LMBR1: variants seen among roughly 807,000 people sequenced by gnomAD.
LMBR1 encodes the protein limb development membrane protein 1, also known as limb region 1 protein homolog.
In LMBR1, 52 loss-of-function variants were observed where a neutral mutation model predicts 73.9. The observed-to-expected ratio is 0.70, with a 90% CI of 0.56 to 0.89. The LOEUF is 0.89. Among genes scored for constraint, LMBR1 ranks in the 40% least tolerant of loss-of-function variants. LMBR1 has a pLI of 0.00. For synonymous variants in LMBR1, 215 were observed against 209.4 expected (o/e 1.03, Z -0.23); for missense variants, 539 against 579.8 (o/e 0.93, Z 0.72).
intron 9 of LMBR1, among the ~76,000 whole-genome samples, chr7:156,741,693 A>G (rs907872629): frequency 2.6e-5 from 4 of 152,190 alleles, no homozygotes; most frequent in African/African-American, 9.6e-5. Flanking sequence ...CAATACAATA[A>G]CAGCTAGAGA....
chr7:156,777,617 T>C (rs897482322), intron 5 of LMBR1, among the ~76,000 whole-genome samples: 4 of 152,206 alleles, frequency 2.6e-5, no homozygotes, highest in Admixed American at 6.5e-5. Context: ...TGCTCAGTTT[T>C]TACCTAAGTG....
At chr7:156,749,236 G>A (rs376400803) in intron 9 of LMBR1, among the ~76,000 whole-genome samples, 3 of 152,232 alleles carry the variant, frequency 2.0e-5, no homozygotes, top group South Asian at 4.1e-4. Context: ...CAAGATGAAA[G>A]TAATTTAGAG....
chr7:156,843,687 T>C (rs751944698), intron 1 of LMBR1, among the ~76,000 whole-genome samples: 2 of 150,682 alleles, frequency 1.3e-5, no homozygotes, highest in Non-Finnish European at 3.0e-5. Context: ...AACACAAAAA[T>C]TAGCCAGGTG....
At chr7:156,776,275 T>C (rs1826121750) in intron 5 of LMBR1, among the ~76,000 whole-genome samples, 1 of 152,064 alleles carries the variant, frequency 6.6e-6, no homozygotes, top group Non-Finnish European at 1.5e-5. Flanking sequence ...GTATGCCACC[T>C]TCTAATGCCA....
intron 1 of LMBR1, among the ~76,000 whole-genome samples, chr7:156,844,975 C>G (rs962274770): frequency 1.3e-5 from 2 of 152,160 alleles, no homozygotes; most frequent in Middle Eastern, 3.2e-3. Flanking sequence ...GCGTTATAAT[C>G]AAATTGTACC....
intron 1 of LMBR1, among the ~76,000 whole-genome samples, 175 bp downstream of exon 1, chr7:156,892,753 G>A (rs1452538951): frequency 2.3e-4 from 29 of 124,382 alleles, no homozygotes; most frequent in Middle Eastern, 8.1e-3. Context: ...GAGGTGGGGA[G>A]GGAAGGGGAG....
At chr7:156,835,875 A>C (rs1451655368) in intron 2 of LMBR1, among the ~76,000 whole-genome samples, 1 of 152,048 alleles carries the variant, frequency 6.6e-6, no homozygotes, top group Non-Finnish European at 1.5e-5. Context: ...CCAACCTCTA[A>C]TTTCACTTAG....
intron 9 of LMBR1, among the ~76,000 whole-genome samples, chr7:156,746,523 T>A (rs1376511073): frequency 6.6e-6 from 1 of 152,200 alleles, no homozygotes; most frequent in Non-Finnish European, 1.5e-5. Context: ...TGAAATGCTG[T>A]GCTTCTATTT....
chr7:156,761,504 T>C (rs1333288586), intron 8 of LMBR1, among the ~76,000 whole-genome samples: 1 of 152,144 alleles, frequency 6.6e-6, no homozygotes, highest in African/African-American at 2.4e-5. Context: ...TTTTGAAACA[T>C]AATAGAGGTA....
intron 12 of LMBR1, 150 bp downstream of exon 12, chr7:156,727,780 T>A: frequency 2.4e-6 from 1 of 425,050 alleles, no homozygotes; most frequent in Non-Finnish European, 4.1e-6. Context: ...CAGTTTATAT[T>A]TTAAAGGCTC....
chr7:156,670,971 G>C lies in LMBR1; in HGVS notation n.867-1684C>G, dbSNP rs1306167182. 1.3e-5 allele frequency among the ~76,000 whole-genome samples: 2 copies of C among 152,108 alleles called. No individual in the cohort carries two copies. Among genetic ancestry groups the C allele is most frequent in the Non-Finnish European group, 2.9e-5 (2 of 68,022 alleles). On this transcript the variant is annotated intron_variant and non_coding_transcript_variant, in intron 4 of 4. Transcript: ENST00000430825. This position sits in a 1 kb window ranked among gnomAD's most constrained non-coding sequence, Gnocchi z 4.3. ...CATGTCTCAGGTTAAAAGAGAGAGA[G>C]AGCTTATGACAAAAATAACATAAAG... is the stretch of plus-strand genomic sequence containing the variant.
rs188115491 is a variant in LMBR1, at chr7:156,706,463, A to G, written c.1225+17649T>C. 7.9e-5 allele frequency among the ~76,000 whole-genome samples: 12 copies of G among 152,332 alleles called. No homozygotes were observed. In the East Asian group the frequency reaches 1.9e-3, roughly 24 times the overall value. Reference sequence around the variant, plus strand: ...GAATTTATGTTCTACTCATCAGCACATAAAACGTTCTCCAAGATAAACCAT... The same window carrying G: ...GAATTTATGTTCTACTCATCAGCACGTAAAACGTTCTCCAAGATAAACCAT... On this transcript the variant is annotated intron_variant, in intron 15 of 16. Transcript: ENST00000353442.
intron 1 of LMBR1, among the ~76,000 whole-genome samples, chr7:156,838,407 T>C (rs1353125278): frequency 1.3e-5 from 2 of 152,176 alleles, no homozygotes; most frequent in Non-Finnish European, 2.9e-5. Flanking sequence ...ATCATTCTAC[T>C]CACTGTTTCC....
At chr7:156,676,390 G>A (rs190578497), downstream of LMBR1, 65 of 1,614,004 alleles carry the variant, frequency 4.0e-5, no homozygotes, top group Admixed American at 2.5e-4. Flanking sequence ...ACTAACCCGC[G>A]TGGCCTCTTC....
intron 5 of LMBR1, among the ~76,000 whole-genome samples, chr7:156,782,396 GTTTTCC>G (rs1827304237): frequency 6.6e-6 from 1 of 152,058 alleles, no homozygotes; most frequent in African/African-American, 2.4e-5. Context: ...TCGTCATATT[GTTTTCC>G]ACACCAGCTC....
At chr7:156,675,979 G>T (rs1803874976), downstream of LMBR1, 1 of 1,093,918 alleles carries the variant, frequency 9.1e-7, no homozygotes, top group Non-Finnish European at 1.3e-6. Flanking sequence ...GGAGTGTCAG[G>T]CCCGGGGTGC....
At chr7:156,865,123 A>G (rs988885679) in intron 1 of LMBR1, among the ~76,000 whole-genome samples, 1 of 152,102 alleles carries the variant, frequency 6.6e-6, no homozygotes, top group Non-Finnish European at 1.5e-5. Flanking sequence ...CCTGGGCAAC[A>G]TAGAGAGACG....
chr7:156,712,147 C>G (rs1487723544), intron 15 of LMBR1, among the ~76,000 whole-genome samples: 1 of 152,014 alleles, frequency 6.6e-6, no homozygotes, highest in African/African-American at 2.4e-5. Flanking sequence ...AACAACTCAA[C>G]AACAATAACA....
intron 1 of LMBR1, among the ~76,000 whole-genome samples, chr7:156,845,461 T>C (rs1839428998): frequency 6.6e-6 from 1 of 151,920 alleles, no homozygotes; most frequent in Non-Finnish European, 1.5e-5. Context: ...AAGACAAAAA[T>C]AGTTATGAAG....
Sources: gnomAD v4.1 joint callset for allele counts (sites outside exome capture counted in the v4.1 genomes callset) on GRCh38, gnomAD v4.1.1 for gene constraint, Gnocchi (gnomAD v3.1) non-coding constraint, MANE v1.5 for transcripts, NCBI Gene and HGNC (gene_info 2026-07-23, HGNC 2026-07-21) for gene names.